Variants in C2CD5 observed in about 807,000 individuals in gnomAD.
The protein encoded by C2CD5 is C2 domain-containing protein 5.
In C2CD5, 109 loss-of-function variants were observed where a neutral mutation model predicts 130.3. That is an observed-to-expected ratio of 0.84 (90% CI 0.72 to 0.98). C2CD5 has a LOEUF of 0.98. Among genes scored for constraint, C2CD5 ranks in the 50% least tolerant of loss-of-function variants. The pLI is 0.00. For missense variants in C2CD5, 996 were observed against 1,261.8 expected, an observed-to-expected ratio of 0.79 and a Z score of 3.19; for synonymous variants, 454 against 429.2, an observed-to-expected ratio of 1.06 and a Z score of -0.71.
chr12:22,530,134 A>T (rs1951122202), intron 3 of C2CD5, among the ~76,000 whole-genome samples: 1 of 139,778 alleles, frequency 7.2e-6, no homozygotes, highest in African/African-American at 2.6e-5. Flanking sequence ...ACACACACAC[A>T]CACACAGTGT....
intron 7 of C2CD5, chr12:22,519,187 G>A (rs1950043722): frequency 6.5e-7 from 1 of 1,535,606 alleles, no homozygotes; most frequent in Non-Finnish European, 8.7e-7. Flanking sequence ...GTGTGAATTG[G>A]GCTGTTGTGA....
chr12:22,465,300 C>T lies in C2CD5; in HGVS notation c.2533+4409G>A, dbSNP rs185937372. 3.2e-4 allele frequency among the ~76,000 whole-genome samples: 49 copies of T among 152,100 alleles called. 1 individual carries two copies. The highest frequency in any genetic ancestry group is 9.9e-4 in the African/African-American group (41 of 41,526). Reference sequence around the variant, plus strand: ...GAGTCTTCTATACAGTTTCACTCAACGGTATTTAAAACTAAAATTGACTTA... The same window carrying T: ...GAGTCTTCTATACAGTTTCACTCAATGGTATTTAAAACTAAAATTGACTTA... On this transcript the variant is annotated intron_variant, in intron 22 of 26. Coordinates refer to ENST00000446597, the MANE Select transcript of C2CD5 (RefSeq NM_001286176.2).
intron 5 of C2CD5, among the ~76,000 whole-genome samples, 190 bp from the exon 6 acceptor site, chr12:22,524,817 C>G (rs1950588573): frequency 6.6e-6 from 1 of 152,056 alleles, no homozygotes; most frequent in South Asian, 2.1e-4. Flanking sequence ...TAATTATTGT[C>G]TTTCATGGAG....
intron 9 of C2CD5, among the ~76,000 whole-genome samples, chr12:22,509,145 T>C (rs12366694): frequency 0.6 from 91,590 of 151,954 alleles, 32,177 homozygotes; most frequent in Non-Finnish European, 0.8. Flanking sequence ...CCCAAAGTGC[T>C]GGGATTACAG....
At chr12:22,459,616 A>G (rs1025528243) in intron 22 of C2CD5, 74 bp from the exon 23 acceptor site, 7 of 884,340 alleles carry the variant, frequency 7.9e-6, no homozygotes, top group Non-Finnish European at 1.2e-5. Context: ...TTATTTGTTA[A>G]TACCTCTATA....
intron 7 of C2CD5, among the ~76,000 whole-genome samples, chr12:22,518,339 A>C (rs528275746): frequency 9.3e-4 from 142 of 152,320 alleles, no homozygotes; most frequent in Non-Finnish European, 1.6e-3. Flanking sequence ...GCATTGAAAC[A>C]GTTAATAAGC....
chr12:22,457,295 T>C, intron 24 of C2CD5, 134 bp from the exon 25 acceptor site: 1 of 530,038 alleles, frequency 1.9e-6, no homozygotes, highest in Non-Finnish European at 3.3e-6. Context: ...GAAAAGAAAT[T>C]ATCATGCACT....
At chr12:22,541,471 G>C (rs1952374969) in intron 2 of C2CD5, among the ~76,000 whole-genome samples, 2 of 152,168 alleles carry the variant, frequency 1.3e-5, no homozygotes, top group African/African-American at 2.4e-5. Flanking sequence ...GTCCTTGCAA[G>C]ACTGGTTCTT....
In C2CD5 at chr12:22,484,780, T is replaced by G; in HGVS notation, c.1467A>C (p.Gln489His). The G allele has an allele frequency of 6.2e-7, 1 of 1,609,702 alleles. No homozygotes were observed. The highest frequency in any genetic ancestry group is 1.1e-5 in the South Asian group (1 of 90,724). The part of the protein sequence containing the change: ...HLTYCYNCRK[Q>H]KVPDVLFTTI... ...TTGTAAACAGAACATCAGGAACTTTTTGTTTCCTGCAGTTATAGCAATATG... is the reference window on the plus strand; with the variant it reads ...TTGTAAACAGAACATCAGGAACTTTGTGTTTCCTGCAGTTATAGCAATATG... Residue 489 changes from glutamine to histidine, a missense_variant, in exon 13 of 27, where the codon CAA becomes CAC. Physicochemically the swap from Gln to His is conservative, Grantham distance 24. This residue lies in a region of C2CD5 where 590 missense variants were observed against 631.4 expected (regional missense o/e 0.93). Transcript: ENST00000446597.
chr12:22,521,614 C>T (rs1024544780), intron 7 of C2CD5, among the ~76,000 whole-genome samples: 1 of 152,314 alleles, frequency 6.6e-6, no homozygotes, highest in South Asian at 2.1e-4. Context: ...TGCAATCTGA[C>T]TCTACTGCTG....
At chr12:22,517,421 C>G (rs973701344) in intron 8 of C2CD5, among the ~76,000 whole-genome samples, 8 of 151,642 alleles carry the variant, frequency 5.3e-5, no homozygotes, top group African/African-American at 1.9e-4. Flanking sequence ...CATCAAAATA[C>G]AATAGAAAAT....
intron 14 of C2CD5, among the ~76,000 whole-genome samples, chr12:22,481,842 C>G (rs1281059607): frequency 6.8e-6 from 1 of 147,302 alleles, no homozygotes; most frequent in East Asian, 2.0e-4. Flanking sequence ...TGGTCTCACC[C>G]GGGCTGGTCT....
chr12:22,530,109 T>TATATAC (rs1555205909), intron 3 of C2CD5, among the ~76,000 whole-genome samples: 15 of 106,682 alleles, frequency 1.4e-4, no homozygotes, highest in East Asian at 4.8e-4. Flanking sequence ...TATATATATA[T>TATATAC]ATACACACAC....
Position 22,527,761 on chromosome 12 carries a change from T to C in C2CD5, c.309A>G (p.Thr103=). 1 of 1,601,864 alleles carries C rather than the reference T, an allele frequency of 6.2e-7. No homozygotes were observed. The highest frequency in any genetic ancestry group is 8.5e-7 in the Non-Finnish European group (1 of 1,172,298). The change falls in exon 4 of 27, where the codon ACA becomes ACG. Residue 103 remains threonine, a synonymous_variant. Transcript: ENST00000446597. ...IDPLLYSEAA[T]VISGWFPIYD... is the part of the protein sequence containing the mutation. The stretch of plus-strand genomic sequence containing the variant: ...AAATTGGAAACCATCCTGAGATGAC[T>C]GTTGCAGCTTCACTATACAGTAAAG...
intron 8 of C2CD5, among the ~76,000 whole-genome samples, chr12:22,516,161 G>T (rs959304093): frequency 1.3e-4 from 20 of 151,652 alleles, no homozygotes; most frequent in Admixed American, 9.9e-4. Flanking sequence ...TCAAGACACT[G>T]ATTCTGATAT....
intron 11 of C2CD5, among the ~76,000 whole-genome samples, chr12:22,490,650 A>G (rs1191695195): frequency 6.6e-6 from 1 of 152,164 alleles, no homozygotes; most frequent in Non-Finnish European, 1.5e-5. Flanking sequence ...ATCTCTATAT[A>G]GGTGATTTAT....
At chr12:22,481,913 T>C (rs1257586854) in intron 14 of C2CD5, among the ~76,000 whole-genome samples, 3 of 151,170 alleles carry the variant, frequency 2.0e-5, no homozygotes, top group Non-Finnish European at 4.4e-5. Context: ...ATTATGGGTG[T>C]GAGCCAACGC....
chr12:22,488,331 G>A (rs1045450896), intron 12 of C2CD5, among the ~76,000 whole-genome samples: 4 of 152,026 alleles, frequency 2.6e-5, no homozygotes, highest in Non-Finnish European at 5.9e-5. Context: ...AATTTGAAAA[G>A]GATGGCAATC....
At chr12:22,532,100 G>T (rs1951335209) in intron 3 of C2CD5, among the ~76,000 whole-genome samples, 1 of 152,180 alleles carries the variant, frequency 6.6e-6, no homozygotes, top group African/African-American at 2.4e-5. Context: ...GGAGGCCAAG[G>T]TGGGTGGATC....
Sources: gnomAD v4.1 joint callset for allele counts (sites outside exome capture counted in the v4.1 genomes callset) on GRCh38, gnomAD v4.1.1 for gene constraint, gnomAD v4.1.1 regional missense constraint, MANE v1.5 for transcripts, NCBI Gene and HGNC (gene_info 2026-07-23, HGNC 2026-07-21) for gene names.